The following XKR6 variants were observed in gnomAD, a reference collection of about 807,000 sequenced individuals.
The protein encoded by XKR6 is XK related 6, also known as XK-related protein 6.
XKR6 carries 22 observed loss-of-function variants against 56.7 expected under a neutral mutation model. That is an observed-to-expected ratio of 0.39 (90% CI 0.28 to 0.55). The LOEUF (loss-of-function observed/expected upper bound fraction) is 0.55. Ranked by LOEUF, XKR6 falls within the 20% of genes least tolerant of loss-of-function variation. The pLI is 0.66. For missense variants in XKR6, 852 were observed against 889.0 expected, an observed-to-expected ratio of 0.96 and a Z score of 0.53; for synonymous variants, 524 against 387.8, an observed-to-expected ratio of 1.35 and a Z score of -4.13.
At chr8:11,114,543 T>G (rs998592578) in intron 1 of XKR6, among the ~76,000 whole-genome samples, 3 of 152,186 alleles carry the variant, frequency 2.0e-5, no homozygotes, top group African/African-American at 7.2e-5. Flanking sequence ...GTATTTTTAG[T>G]AGACACAGGG....
chr8:11,088,892 G>A lies in XKR6; in HGVS notation c.764+111684C>T, dbSNP rs368357412. ...AAGGCAATATGTGATTTTGTGAAAGGTGTGATTATTTGTGGCAGGGCAAAT... is the reference window on the plus strand; with the variant it reads ...AAGGCAATATGTGATTTTGTGAAAGATGTGATTATTTGTGGCAGGGCAAAT... On this transcript the variant is annotated intron_variant, in intron 1 of 2. Coordinates refer to ENST00000416569, the MANE Select transcript of XKR6 (RefSeq NM_173683.4). 9.8e-5 allele frequency among the ~76,000 whole-genome samples: 15 copies of A among 152,320 alleles called. No individual in the cohort carries two copies. In the East Asian group the frequency reaches 2.9e-3, roughly 29 times the overall value.
At chr8:10,954,668 T>A (rs1801820990) in intron 1 of XKR6, among the ~76,000 whole-genome samples, 1 of 152,184 alleles carries the variant, frequency 6.6e-6, no homozygotes, top group Admixed American at 6.5e-5. Flanking sequence ...TGATGAAGTC[T>A]TATCTGTCCA....
chr8:11,032,537 T>G (rs1268680869), intron 1 of XKR6, among the ~76,000 whole-genome samples: 1 of 151,982 alleles, frequency 6.6e-6, no homozygotes, highest in Non-Finnish European at 1.5e-5. Flanking sequence ...ATGAAAAAAA[T>G]GTTGGCCTGG....
At chr8:10,977,085 C>G (rs1802589819) in intron 1 of XKR6, among the ~76,000 whole-genome samples, 1 of 152,172 alleles carries the variant, frequency 6.6e-6, no homozygotes, top group African/African-American at 2.4e-5. Context: ...GATCACACAG[C>G]TGGTGAGGTT....
chr8:11,041,835 G>A (rs1799294408), intron 1 of XKR6, among the ~76,000 whole-genome samples: 1 of 152,166 alleles, frequency 6.6e-6, no homozygotes, highest in Admixed American at 6.5e-5. Context: ...CTAATACATT[G>A]ATACAGTTCA....
rs1326121007 is a variant in XKR6 at position 11,035,336 on chromosome 8, C to A, written c.765-110506G>T. The stretch of plus-strand genomic sequence containing the variant: ...TGCGTTGTGGCAGCTTGGGCCCCCA[C>A]TGGCCATGCAGGAGCCAGGAGATCA... On this transcript the variant is annotated intron_variant, in intron 1 of 2. Transcript: ENST00000416569. The A allele has an allele frequency of 7.5e-6, 4 of 534,758 alleles. No homozygotes were observed. The East Asian group carries it at 2.2e-4, about 29-fold the overall frequency. The allele number at this position is 534,758 out of a possible 1,614,324, so 33.1% of individuals were successfully genotyped here. A position where few individuals can be genotyped will look rare whatever the true frequency, so the allele number is the denominator to read the frequency against.
chr8:10,961,740 T>G (rs1268417685), intron 1 of XKR6, among the ~76,000 whole-genome samples: 1 of 152,204 alleles, frequency 6.6e-6, no homozygotes, highest in African/African-American at 2.4e-5. Flanking sequence ...TTGCTCCTTT[T>G]AGCTTTTTAA....
intron 1 of XKR6, among the ~76,000 whole-genome samples, chr8:10,950,333 C>T (rs1801680293): frequency 6.6e-6 from 1 of 152,246 alleles, no homozygotes; most frequent in African/African-American, 2.4e-5. Context: ...AGGGCCTCAT[C>T]TTCCCAGGGA....
At chr8:10,926,991 G>A (rs771800164) in intron 1 of XKR6, among the ~76,000 whole-genome samples, 1 of 152,226 alleles carries the variant, frequency 6.6e-6, no homozygotes, top group Non-Finnish European at 1.5e-5. Flanking sequence ...ACAGAAGTAG[G>A]AGGGAGCTGA....
intron 1 of XKR6, chr8:11,062,925 C>A (rs933359048): frequency 4.5e-6 from 2 of 448,444 alleles, no homozygotes; most frequent in East Asian, 7.0e-5. Context: ...ATTCTCTATT[C>A]TCTTTCTTCA....
At chr8:11,076,481 G>T (rs773615649) in intron 1 of XKR6, among the ~76,000 whole-genome samples, 1 of 152,166 alleles carries the variant, frequency 6.6e-6, no homozygotes, top group Non-Finnish European at 1.5e-5. Context: ...GAGCAGTGAC[G>T]CCATGAGGCA....
At chr8:11,159,776 C>G (rs1010321667) in intron 1 of XKR6, among the ~76,000 whole-genome samples, 4 of 152,216 alleles carry the variant, frequency 2.6e-5, no homozygotes, top group African/African-American at 4.8e-5. Flanking sequence ...TACAACAATT[C>G]TAGCCAAGGA....
intron 1 of XKR6, among the ~76,000 whole-genome samples, chr8:11,160,521 A>G (rs1355709495): frequency 1.3e-5 from 2 of 152,230 alleles, no homozygotes; most frequent in East Asian, 3.8e-4. Flanking sequence ...AGGGGCTCCA[A>G]TACTGAAAAA....
At chr8:11,116,686 G>C (rs1005317825) in intron 1 of XKR6, among the ~76,000 whole-genome samples, 1 of 152,088 alleles carries the variant, frequency 6.6e-6, no homozygotes, top group Admixed American at 6.5e-5. Context: ...GCTACCATTC[G>C]TTGGCAAGAA....
At chr8:11,199,483 T>C (rs1468317104) in intron 1 of XKR6, among the ~76,000 whole-genome samples, 2 of 152,192 alleles carry the variant, frequency 1.3e-5, no homozygotes, top group Admixed American at 1.3e-4. Context: ...CTAGGCAAAA[T>C]GTCTTCTCAC....
chr8:10,921,566 A>C (rs895547311), intron 2 of XKR6, among the ~76,000 whole-genome samples: 1 of 152,342 alleles, frequency 6.6e-6, no homozygotes, highest in East Asian at 1.9e-4. Context: ...ATTAGGTATT[A>C]TTCTTCTTTC....
intron 1 of XKR6, among the ~76,000 whole-genome samples, chr8:11,140,474 A>G (rs545356750): frequency 2.0e-5 from 3 of 152,354 alleles, no homozygotes; most frequent in Admixed American, 2.0e-4. Flanking sequence ...CCAGAAGGAA[A>G]CAGAGAAAGA....
Position 11,201,363 on chromosome 8 carries a change from A to T in XKR6, c.-24T>A. ...ATCTTGACTCTCTTCCCAGCTCCGGAGGTTGGGGGGGAGGGACGGCGGGGG... is the reference window on the plus strand; with the variant it reads ...ATCTTGACTCTCTTCCCAGCTCCGGTGGTTGGGGGGGAGGGACGGCGGGGG... On this transcript the variant is annotated 5_prime_UTR_variant, in exon 1 of 3. Coordinates refer to ENST00000416569, the MANE Select transcript of XKR6 (RefSeq NM_173683.4). 5.1e-6 allele frequency: 2 copies of T among 392,910 alleles called. No homozygotes were observed. The highest frequency in any genetic ancestry group is 8.7e-5 in the African/African-American group (1 of 11,434). The allele number at this position is 392,910 out of a possible 1,614,324, so 24.3% of individuals were successfully genotyped here.
chr8:11,133,143 C>T (rs998791092), intron 1 of XKR6, among the ~76,000 whole-genome samples: 17 of 152,014 alleles, frequency 1.1e-4, no homozygotes, highest in African/African-American at 3.1e-4. Context: ...GGTGTGGGTA[C>T]GAGGAATTGA....
Sources: allele counts gnomAD v4.1 joint callset (sites outside exome capture counted in the v4.1 genomes callset), GRCh38; gene constraint gnomAD v4.1.1; transcripts MANE v1.5; gene names NCBI Gene and HGNC (gene_info 2026-07-23, HGNC 2026-07-21).